HIVEP3: variants seen among roughly 807,000 people sequenced by gnomAD.
The protein encoded by HIVEP3 is transcription factor HIVEP3.
HIVEP3 carries 49 observed loss-of-function variants against 152.8 expected under a neutral mutation model. The observed-to-expected ratio is 0.32, with a 90% confidence interval of 0.26 to 0.41. The LOEUF is 0.41. Ranked by LOEUF, HIVEP3 falls within the 10% of genes least tolerant of loss-of-function variation. The pLI, the probability that HIVEP3 is intolerant of heterozygous loss-of-function variation, is 1.00. For synonymous variants in HIVEP3, 1,269 were observed against 1,289.0 expected (o/e 0.98, Z 0.33); for missense variants, 2,790 against 3,103.3 (o/e 0.90, Z 2.40).
At chr1:41,650,101 A>G (rs1481449770) in intron 2 of HIVEP3, among the ~76,000 whole-genome samples, 1 of 152,068 alleles carries the variant, frequency 6.6e-6, no homozygotes, top group East Asian at 1.9e-4. Context: ...GCAGCCCCAC[A>G]CTGCAAGGTG....
chr1:41,806,479 G>A (rs1260211847), intron 1 of HIVEP3, among the ~76,000 whole-genome samples: 1 of 152,240 alleles, frequency 6.6e-6, no homozygotes, highest in East Asian at 1.9e-4. Flanking sequence ...TGGACCTTGG[G>A]AAGACAACTT....
chr1:42,002,324 G>A (rs557060281), intron 1 of HIVEP3, among the ~76,000 whole-genome samples: 1 of 152,170 alleles, frequency 6.6e-6, no homozygotes, highest in Admixed American at 6.5e-5. Flanking sequence ...GAACGGGCAG[G>A]ACCTTCTCAC....
At chr1:41,522,826 C>A (rs1262298084) in intron 6 of HIVEP3, among the ~76,000 whole-genome samples, 2 of 152,228 alleles carry the variant, frequency 1.3e-5, no homozygotes, top group African/African-American at 4.8e-5. Context: ...TTTCCTGAGG[C>A]GATGGGCAGC....
At chr1:41,964,330 C>T (rs1645186372) in intron 1 of HIVEP3, among the ~76,000 whole-genome samples, 1 of 152,152 alleles carries the variant, frequency 6.6e-6, no homozygotes, top group Admixed American at 6.5e-5. Flanking sequence ...AGCTCCCAGC[C>T]CCAGCCAAGG....
chr1:41,688,771 T>C (rs112567447), intron 2 of HIVEP3, among the ~76,000 whole-genome samples: 62 of 151,802 alleles, frequency 4.1e-4, no homozygotes, highest in African/African-American at 1.4e-3. Flanking sequence ...TGCCTCCTCC[T>C]CGGCACCATG....
At chr1:41,752,855 G>A (rs534380229) in intron 1 of HIVEP3, among the ~76,000 whole-genome samples, 3 of 152,324 alleles carry the variant, frequency 2.0e-5, no homozygotes, top group South Asian at 2.1e-4. Flanking sequence ...ATAATCTGGC[G>A]TCCCTTCTCT....
chr1:41,813,343 C>T (rs1324499505), intron 1 of HIVEP3, among the ~76,000 whole-genome samples: 3 of 152,196 alleles, frequency 2.0e-5, no homozygotes, highest in Admixed American at 6.5e-5. Flanking sequence ...CTTGCCCTGT[C>T]TTTCTGGTGA....
intron 1 of HIVEP3, among the ~76,000 whole-genome samples, chr1:42,012,705 A>G (rs1236851266): frequency 6.6e-6 from 1 of 152,044 alleles, no homozygotes; most frequent in Non-Finnish European, 1.5e-5. Context: ...AAATAAAAAT[A>G]AAAATAAAGA....
intron 1 of HIVEP3, among the ~76,000 whole-genome samples, chr1:41,747,217 G>A (rs1647086471): frequency 6.6e-6 from 1 of 152,236 alleles, no homozygotes; most frequent in East Asian, 1.9e-4. Flanking sequence ...GAAGGGCAGT[G>A]AGGGTGAGGG....
intron 1 of HIVEP3, among the ~76,000 whole-genome samples, chr1:41,947,441 C>A (rs1645081675): frequency 6.6e-6 from 1 of 152,346 alleles, no homozygotes; most frequent in African/African-American, 2.4e-5. Flanking sequence ...ATCCTCATCC[C>A]AAAACCCTAA....
intron 2 of HIVEP3, among the ~76,000 whole-genome samples, chr1:41,631,706 C>G (rs1160475732): frequency 2.0e-5 from 3 of 152,124 alleles, no homozygotes. Context: ...CTCTGTGGCT[C>G]TATCAATCAG....
rs1645394250 is a variant in HIVEP3, at chr1:41,996,117, G to C, written n.119+39690C>G. ...GGAAGATTCAAAGAGCTGGGGTCCA[G>C]AGGCAGTGGCTCACACCTGTAATCC... On this transcript the variant is annotated intron_variant and non_coding_transcript_variant, in intron 1 of 3. Coordinates refer to the HIVEP3 transcript ENST00000489103. 2.6e-5 allele frequency among the ~76,000 whole-genome samples: 4 copies of C among 152,116 alleles called. No homozygotes were observed. The South Asian group carries it at 8.3e-4, about 32-fold the overall frequency.
At chr1:41,911,579 G>A (rs1644796686) in intron 1 of HIVEP3, among the ~76,000 whole-genome samples, 1 of 151,638 alleles carries the variant, frequency 6.6e-6, no homozygotes, top group South Asian at 2.1e-4. Context: ...ATACTTAGCA[G>A]GGAACTTGAA....
At position 41,575,575 on chromosome 1, in the gene HIVEP3, C is replaced by G. The variant is rs749407624; in HGVS notation, c.5176G>C (p.Glu1726Gln). The stretch of plus-strand genomic sequence containing the variant: ...TCGAAGATTTTGATCCTCGCCGGCT[C>G]CCCTCTCTGGGAGGCAGGAGCATCC... ...EEDAPASQRG[E>Q]PARIKIFEGG... Residue 1726 changes from glutamate (E) to glutamine (Q), a missense_variant, in exon 5 of 9, where the codon GAG (glutamate) becomes CAG (glutamine). By Grantham distance (29) the Glu-to-Gln change is conservative. This residue lies in a region of HIVEP3 where 1,078 missense variants were observed against 1,165.3 expected (regional missense o/e 0.93). Transcript: ENST00000372583. The G allele has an allele frequency of 6.2e-7, 1 of 1,614,014 alleles. No individual in the cohort carries two copies. The highest frequency in any genetic ancestry group is 1.3e-5 in the African/African-American group (1 of 74,902).
At chr1:41,841,637 C>T (rs1166590257) in intron 1 of HIVEP3, among the ~76,000 whole-genome samples, 3 of 152,182 alleles carry the variant, frequency 2.0e-5, no homozygotes, top group African/African-American at 4.8e-5. Context: ...CCGCTGACTT[C>T]GTCCATGTAG....
rs1298067492 is a variant in HIVEP3, at chr1:41,678,153, T to C, written c.-721+22763A>G. On this transcript the variant is annotated intron_variant, in intron 2 of 8. Transcript: ENST00000372583. ...CATCGAGTGTGGTTTGCAAGGCGATTCTCCTCTGTTGTTTACTCTCGGCGA... is the reference window on the plus strand; with the variant it reads ...CATCGAGTGTGGTTTGCAAGGCGATCCTCCTCTGTTGTTTACTCTCGGCGA... Among the ~76,000 whole-genome samples the C allele has an allele frequency of 3.9e-5, 6 of 152,288 alleles. No homozygotes were observed. In the East Asian group the frequency reaches 1.2e-3, roughly 29 times the overall value.
intron 1 of HIVEP3, among the ~76,000 whole-genome samples, chr1:41,948,158 AGAAAAAGGAC>A (rs1645085157): frequency 6.6e-6 from 1 of 152,248 alleles, no homozygotes; most frequent in Non-Finnish European, 1.5e-5. Flanking sequence ...GTTCCTTCGT[AGAAAAAGGAC>A]TTCGAAAAGC....
rs1200224779 is a variant in HIVEP3 at position 41,718,461 on chromosome 1, TCTAACACTTGCTGTTGTG to T, written c.-800-17484_-800-17467del. ...TAAAGTGCTTAGCATGGCAAATGCT[TCTAACACTTGCTGTTGTG>T]CTGGTAATTATTAGTGAGACTTCAA... On this transcript the variant is annotated intron_variant, in intron 1 of 8. Coordinates refer to ENST00000372583, the MANE Select transcript of HIVEP3 (RefSeq NM_024503.5). Among the ~76,000 whole-genome samples the T allele has an allele frequency of 9.8e-5, 15 of 152,370 alleles. 1 individual carries two copies. The highest frequency in any genetic ancestry group is 3.4e-4 in the African/African-American group (14 of 41,592).
intron 5 of HIVEP3, among the ~76,000 whole-genome samples, chr1:41,573,369 C>G (rs1240002362): frequency 2.0e-5 from 3 of 152,158 alleles, no homozygotes; most frequent in African/African-American, 4.8e-5. Flanking sequence ...TCCAAACACT[C>G]TGCGGGGTGA....
Sources: allele counts gnomAD v4.1 joint callset (sites outside exome capture counted in the v4.1 genomes callset), GRCh38; gene constraint gnomAD v4.1.1; regional missense constraint gnomAD v4.1.1; transcripts MANE v1.5; gene names NCBI Gene and HGNC (gene_info 2026-07-23, HGNC 2026-07-21).